CDC6: variants seen among roughly 807,000 people sequenced by gnomAD.
The protein encoded by CDC6 is cell division cycle 6.
In CDC6, 46 loss-of-function variants were observed where a neutral mutation model predicts 60.2. That is an observed-to-expected ratio of 0.76 (90% confidence interval 0.60 to 0.98). The LOEUF (loss-of-function observed/expected upper bound fraction) is 0.98, where lower values mean the gene tolerates loss of function less well. CDC6 is among the 50% of genes least tolerant of loss of function. The pLI, the probability that CDC6 is intolerant of heterozygous loss-of-function variation, is 0.00. For synonymous variants in CDC6, 210 were observed against 233.2 expected, an observed-to-expected ratio of 0.90 and a Z score of 0.90; for missense variants, 596 against 652.9, an observed-to-expected ratio of 0.91 and a Z score of 0.95.
Position 40,291,686 on chromosome 17 carries a change from A to G in CDC6, c.660+18A>G. 1 of 1,592,580 alleles carries G rather than the reference A, an allele frequency of 6.3e-7. No homozygotes were observed. The highest frequency in any genetic ancestry group is 1.7e-5 in the Admixed American group (1 of 60,000). On this transcript the variant is annotated intron_variant, in intron 4 of 11. Transcript: ENST00000209728. The stretch of plus-strand genomic sequence containing the variant: ...ACCTCAAGGTACATTGAGAGTCTGA[A>G]TTATGATACTCTTGGTAAAATGATA...
chr17:40,294,817 C>T (rs867780228), intron 7 of CDC6, among the ~76,000 whole-genome samples: 27 of 151,696 alleles, frequency 1.8e-4, no homozygotes, highest in Middle Eastern at 3.4e-3. Flanking sequence ...CTCTGCCTCA[C>T]GGGTTCAAGC....
chr17:40,289,601 A>T lies in CDC6; in HGVS notation c.178+3A>T. 6.2e-7 allele frequency: 1 copy of T among 1,612,784 alleles called. No individual in the cohort carries two copies. Among genetic ancestry groups the T allele is most frequent in the Non-Finnish European group, 8.5e-7 (1 of 1,178,902 alleles). ...TCTCAGCCCCAGGAAACGTCTGGGT[A>T]AACCATCCATTATATCACTTTTTCA... is the stretch of plus-strand genomic sequence containing the variant. On this transcript the variant is annotated splice_donor_region_variant and intron_variant, in intron 2 of 11. Transcript: ENST00000209728.
In CDC6 at chr17:40,295,477, A is replaced by G. The variant is rs753444030; in HGVS notation, c.1184+21A>G. 9.7e-5 allele frequency: 139 copies of G among 1,427,946 alleles called. 1 individual carries two copies. In the South Asian group the frequency reaches 1.5e-3, roughly 16 times the overall value. 88.5% of individuals were successfully genotyped at this position (1,427,946 alleles called of 1,614,324 possible). ...TGCAGGTGAGTTACGGCTCTGTTGC[A>G]TTCTTTTATTAAAAAAAAAAAAAAA... On this transcript the variant is annotated intron_variant, in intron 8 of 11. Transcript: ENST00000209728.
chr17:40,289,726 T>G, intron 2 of CDC6, 128 bp downstream of exon 2: 1 of 653,548 alleles, frequency 1.5e-6, no homozygotes, highest in South Asian at 1.7e-5. Flanking sequence ...TTTTTTTTTT[T>G]GAGACAGAGT....
intron 5 of CDC6, among the ~76,000 whole-genome samples, 153 bp from the exon 6 acceptor site, chr17:40,293,797 T>C (rs943116435): frequency 9.9e-5 from 15 of 152,216 alleles, no homozygotes; most frequent in African/African-American, 3.4e-4. Flanking sequence ...TTATAGATGA[T>C]GTGGGGTATC....
At chr17:40,294,092 T>C in intron 6 of CDC6, 36 bp downstream of exon 6, 1 of 1,432,648 alleles carries the variant, frequency 7.0e-7, no homozygotes, top group Non-Finnish European at 9.9e-7. Context: ...ATGGTGGTTC[T>C]AAAGTATTTT....
Position 40,301,499 on chromosome 17 carries a change from A to G in CDC6, c.1484A>G (p.Lys495Arg), listed in dbSNP as rs1245787312. ...LYEAYSKVCR[K>R]QQVAAVDQSE... Reference sequence around the variant, plus strand: ...GAAGCCTACAGTAAAGTCTGTCGCAAACAGCAGGTGGCGGCTGTGGACCAG... The same window carrying G: ...GAAGCCTACAGTAAAGTCTGTCGCAGACAGCAGGTGGCGGCTGTGGACCAG... Residue 495 changes from lysine (K) to arginine (R), a missense_variant, in exon 11 of 12, where the codon AAA becomes AGA. Physicochemically the swap from Lys to Arg is conservative, Grantham distance 26 (BLOSUM62 2). Transcript: ENST00000209728. The G allele has an allele frequency of 6.2e-7, 1 of 1,614,050 alleles. No homozygotes were observed. The highest frequency in any genetic ancestry group is 8.5e-7 in the Non-Finnish European group (1 of 1,179,882).
At chr17:40,289,329 TATAA>T in intron 1 of CDC6, 75 bp from the exon 2 acceptor site, 3 of 1,102,020 alleles carry the variant, frequency 2.7e-6, no homozygotes, top group Non-Finnish European at 4.2e-6. Flanking sequence ...TAATCATCAG[TATAA>T]ATAAATTCCA....
intron 2 of CDC6, 130 bp from the exon 3 acceptor site, chr17:40,290,928 G>C: frequency 2.2e-6 from 2 of 906,400 alleles, no homozygotes; most frequent in South Asian, 2.7e-5. Flanking sequence ...TGCTAAGTGA[G>C]AAGGCATTTT....
chr17:40,301,481 A>T lies in CDC6; in HGVS notation c.1466A>T (p.Tyr489Phe). The change falls in exon 11 of 12, where the codon TAC becomes TTC. Residue 489 changes from tyrosine to phenylalanine, a missense_variant. By Grantham distance (22) the Tyr-to-Phe change is conservative (BLOSUM62 3). Coordinates refer to ENST00000209728, the MANE Select transcript of CDC6 (RefSeq NM_001254.4). Reference protein sequence around the residue: ...EVTLGKLYEAYSKVCRKQQVA... With the variant: ...EVTLGKLYEAFSKVCRKQQVA... ...GTTTCCTACCAGTTATATGAAGCCT[A>T]CAGTAAAGTCTGTCGCAAACAGCAG... 1.9e-6 allele frequency: 3 copies of T among 1,614,040 alleles called. No homozygotes were observed. The highest frequency in any genetic ancestry group is 2.5e-6 in the Non-Finnish European group (3 of 1,179,870).
intron 1 of CDC6, 120 bp downstream of exon 1, chr17:40,288,210 A>T (rs1438643282): frequency 6.5e-6 from 1 of 152,790 alleles, no homozygotes; most frequent in Non-Finnish European, 1.5e-5. Flanking sequence ...TGAAAGTTGT[A>T]GGAAGGAAAT....
At chr17:40,290,388 G>T (rs1598513558) in intron 2 of CDC6, among the ~76,000 whole-genome samples, 2 of 152,296 alleles carry the variant, frequency 1.3e-5, no homozygotes, top group East Asian at 1.9e-4. Flanking sequence ...TACTGGCATA[G>T]TGGGTAGAGG....
At chr17:40,293,872 T>C in intron 5 of CDC6, 78 bp from the exon 6 acceptor site, 2 of 1,252,584 alleles carry the variant, frequency 1.6e-6, no homozygotes, top group South Asian at 2.4e-5. Flanking sequence ...TTTAGGAAAG[T>C]GACCTGAAGT....
intron 5 of CDC6, 88 bp from the exon 6 acceptor site, chr17:40,293,862 T>C: frequency 3.4e-6 from 4 of 1,184,464 alleles, no homozygotes. Context: ...TGGTCTCAGC[T>C]TTAGGAAAGT....
intron 9 of CDC6, among the ~76,000 whole-genome samples, chr17:40,297,478 G>T (rs144570020): frequency 2.0e-5 from 3 of 152,240 alleles, no homozygotes; most frequent in Admixed American, 2.0e-4. Context: ...GAGGCTGTTG[G>T]GGGTGGAGGC....
At chr17:40,289,726 T>TG (rs2032722896) in intron 2 of CDC6, 128 bp downstream of exon 2, 1 of 653,554 alleles carries the variant, frequency 1.5e-6, no homozygotes, top group South Asian at 1.7e-5. Flanking sequence ...TTTTTTTTTT[T>TG]GAGACAGAGT....
chr17:40,301,678 T>C, intron 11 of CDC6, 70 bp downstream of exon 11: 1 of 1,530,418 alleles, frequency 6.5e-7, no homozygotes, highest in East Asian at 2.3e-5. Context: ...AGTAAAGGTT[T>C]ATTGTTAAAC....
chr17:40,293,808 C>G (rs761954556), intron 5 of CDC6, 142 bp from the exon 6 acceptor site: 40 of 890,240 alleles, frequency 4.5e-5, no homozygotes, highest in Non-Finnish European at 6.6e-5. Context: ...GTGGGGTATC[C>G]TTGTAGCAGT....
At position 40,294,060 on chromosome 17, in the gene CDC6, A is replaced by C. The variant is rs745585696; in HGVS notation, c.943+4A>C. 9 of 1,585,370 alleles carry C rather than the reference A, an allele frequency of 5.7e-6. No homozygotes were observed. The South Asian group carries it at 9.9e-5, about 18-fold the overall frequency. On this transcript the variant is annotated splice_donor_region_variant and intron_variant, in intron 6 of 11. Coordinates refer to ENST00000209728, the MANE Select transcript of CDC6 (RefSeq NM_001254.4). The stretch of plus-strand genomic sequence containing the variant: ...AATTCTCACTTGGTGCTGATTGGTT[A>C]GTGCTCAATTGTTAATGTTACATGG...
Sources: gnomAD v4.1 joint callset for allele counts (sites outside exome capture counted in the v4.1 genomes callset) on GRCh38, gnomAD v4.1.1 for gene constraint, MANE v1.5 for transcripts, NCBI Gene and HGNC (gene_info 2026-07-23, HGNC 2026-07-21) for gene names.